The following LONRF3 variants were observed in gnomAD, a reference collection of about 807,000 sequenced individuals.
LONRF3 encodes the protein LON peptidase N-terminal domain and RING finger protein 3.
LONRF3 carries 19 observed loss-of-function variants against 51.7 expected under a neutral mutation model. The ratio of observed to expected loss-of-function variants is 0.37; its 90% confidence interval spans 0.26 to 0.54. The LOEUF is 0.54. Ranked by LOEUF, LONRF3 falls within the 20% of genes least tolerant of loss-of-function variation. The probability of loss-of-function intolerance (pLI) is 0.86; values close to 1 mark genes in which losing one functional copy is unlikely to be tolerated. For missense variants in LONRF3, 521 were observed against 623.9 expected, an observed-to-expected ratio of 0.84 and a Z score of 1.76; for synonymous variants, 265 against 257.8, an observed-to-expected ratio of 1.03 and a Z score of -0.27.
intron 3 of LONRF3, among the ~76,000 whole-genome samples, chrX:118,989,127 A>G (rs10465423): frequency 0.38 from 41,429 of 109,997 alleles, 5,740 homozygotes; most frequent in South Asian, 0.49. Context: ...TCCCCTTTTT[A>G]CACCTGCCCA....
At chrX:118,984,943 A>T (rs1922844161) in intron 3 of LONRF3, among the ~76,000 whole-genome samples, 2 of 111,416 alleles carry the variant, frequency 1.8e-5, no homozygotes, top group African/African-American at 6.5e-5. Flanking sequence ...GTTTCTTTTT[A>T]ATGTTTGTTT....
intron 5 of LONRF3, among the ~76,000 whole-genome samples, chrX:118,995,240 C>T (rs1923787338): frequency 8.9e-6 from 1 of 112,139 alleles, no homozygotes; most frequent in Non-Finnish European, 1.9e-5. Flanking sequence ...CCTGAATGAG[C>T]GTTGTGTCAA....
chrX:119,005,505 C>T (rs1924645681), intron 5 of LONRF3, among the ~76,000 whole-genome samples: 1 of 111,765 alleles, frequency 8.9e-6, no homozygotes, highest in Non-Finnish European at 1.9e-5. Flanking sequence ...CATATCTAGT[C>T]TATATCAGTA....
At chrX:118,998,459 G>A (rs933186182) in intron 5 of LONRF3, among the ~76,000 whole-genome samples, 2 of 109,641 alleles carry the variant, frequency 1.8e-5, no homozygotes, top group Admixed American at 9.8e-5. Context: ...GACTTGGGGG[G>A]AAAAGTGGGA....
chrX:119,007,837 T>C (rs1250707237), intron 6 of LONRF3, among the ~76,000 whole-genome samples: 4 of 112,391 alleles, frequency 3.6e-5, no homozygotes, highest in Non-Finnish European at 3.8e-5. Context: ...ACTGAAATAA[T>C]ACATCTGTGT....
rs1330708910 is a variant in LONRF3 at position 118,975,473 on chromosome X, C to T, written c.693C>T (p.Gly231=). 2 of 1,198,681 alleles carry T rather than the reference C, an allele frequency of 1.7e-6. No individual in the cohort carries two copies. Among genetic ancestry groups the T allele is most frequent in the African/African-American group, 1.7e-5 (1 of 57,449 alleles). The change falls in exon 1 of 11, where the codon GGC becomes GGT. Residue 231 remains glycine, a synonymous_variant. Transcript: ENST00000371628. ...TGCGAGTCAACGTGGTGCTCAGCGG[C>T]CTCCTCGGCAAGTTGTTTCCAGGCC... ...PPLRVNVVLS[G]LLGKLFPGPA...
chrX:119,010,609 C>T (rs1362996360), intron 7 of LONRF3, among the ~76,000 whole-genome samples: 2 of 111,597 alleles, frequency 1.8e-5, no homozygotes, highest in Non-Finnish European at 3.8e-5. Context: ...GTCTTATTAA[C>T]AAATACTGAG....
rs1925291984 is a variant in LONRF3, at chrX:119,014,226, C to G, written c.1994C>G (p.Ala665Gly). 8 of 1,206,762 alleles carry G rather than the reference C, an allele frequency of 6.6e-6. No homozygotes were observed. Among genetic ancestry groups the G allele is most frequent in the Non-Finnish European group, 9.0e-6 (8 of 893,522 alleles). Reference protein sequence around the residue: ...EDQKVQGEDCAELMGLHNCVY... With the variant: ...EDQKVQGEDCGELMGLHNCVY... ...TTTCAGGTTCAGGGAGAGGATTGTGCTGAGCTCATGGGATTACATAACTGT... is the reference window on the plus strand; with the variant it reads ...TTTCAGGTTCAGGGAGAGGATTGTGGTGAGCTCATGGGATTACATAACTGT... Residue 665 changes from alanine (A) to glycine (G), a missense_variant, in exon 10 of 11, where the codon GCT becomes GGT. Transcript: ENST00000371628.
rs779499421 is a variant in LONRF3, at chrX:118,982,704, A to AAG, written c.937-112_937-111dup. ...TTGCCCGCATTTTAGGGCTGTAGAT[A>AAG]AGAGAGTCCTTTTAAAATGTTTCAC... On this transcript the variant is annotated intron_variant, in intron 2 of 10. Transcript: ENST00000371628. 112 of 967,360 alleles carry AAG rather than the reference A, an allele frequency of 1.2e-4. No homozygotes were observed. The African/African-American group carries it at 1.8e-3, about 15-fold the overall frequency. The allele number at this position is 967,360 out of a possible 1,213,427, so 79.7% of individuals were successfully genotyped here.
intron 5 of LONRF3, among the ~76,000 whole-genome samples, chrX:119,002,807 T>C (rs917888173): frequency 9.0e-6 from 1 of 111,235 alleles, no homozygotes; most frequent in Non-Finnish European, 1.9e-5. Flanking sequence ...TTTTATTTTT[T>C]TTTTATTTTG....
intron 3 of LONRF3, among the ~76,000 whole-genome samples, chrX:118,983,536 A>C (rs1022898624): frequency 8.9e-6 from 1 of 112,823 alleles, no homozygotes; most frequent in Admixed American, 9.4e-5. Context: ...CTTGGGTCCC[A>C]GCAGAATGTG....
chrX:118,976,033 C>T (rs1226772053), intron 1 of LONRF3, among the ~76,000 whole-genome samples: 2 of 112,705 alleles, frequency 1.8e-5, no homozygotes, highest in Non-Finnish European at 3.8e-5. Context: ...CTGCTCGCAC[C>T]TTCCCAGCGA....
chrX:118,980,652 T>C (rs1922484227), intron 2 of LONRF3, among the ~76,000 whole-genome samples: 1 of 111,295 alleles, frequency 9.0e-6, no homozygotes, highest in Non-Finnish European at 1.9e-5. Context: ...TAGTGTTTAA[T>C]ACAAGTCACC....
intron 5 of LONRF3, among the ~76,000 whole-genome samples, chrX:119,000,032 C>G (rs1225072965): frequency 1.8e-5 from 2 of 112,320 alleles, no homozygotes; most frequent in African/African-American, 6.5e-5. Context: ...GAGGCTATTT[C>G]AAACACATGC....
intron 5 of LONRF3, 49 bp from the exon 6 acceptor site, chrX:119,006,072 A>AT: frequency 1.3e-6 from 1 of 781,092 alleles, no homozygotes; most frequent in Non-Finnish European, 1.9e-6. Flanking sequence ...TCACTCTTTT[A>AT]TTTTTGGTCT....
At chrX:119,014,557 G>A (rs1422928805) in intron 10 of LONRF3, among the ~76,000 whole-genome samples, 2 of 111,616 alleles carry the variant, frequency 1.8e-5, no homozygotes, top group Non-Finnish European at 3.8e-5. Context: ...GGTAACTAAA[G>A]TAAAGCAGTA....
chrX:118,991,911 T>A (rs1283324007), intron 5 of LONRF3, among the ~76,000 whole-genome samples: 1 of 111,924 alleles, frequency 8.9e-6, no homozygotes, highest in Non-Finnish European at 1.9e-5. Context: ...ACTTTGGGTC[T>A]ATGGACCTCT....
chrX:118,978,608 G>A (rs1193424080), intron 2 of LONRF3, 145 bp downstream of exon 2: 5 of 416,776 alleles, frequency 1.2e-5, no homozygotes, highest in Non-Finnish European at 2.1e-5. Flanking sequence ...AAAGATCCCT[G>A]GGCAAAGAGT....
intron 8 of LONRF3, 52 bp from the exon 9 acceptor site, chrX:119,012,987 G>A: frequency 8.3e-7 from 1 of 1,202,350 alleles, no homozygotes; most frequent in South Asian, 1.8e-5. Flanking sequence ...CCAGCCCAGG[G>A]AAACAGAACT....
Sources: gnomAD v4.1 joint callset for allele counts (sites outside exome capture counted in the v4.1 genomes callset) on GRCh38, gnomAD v4.1.1 for gene constraint, MANE v1.5 for transcripts, NCBI Gene and HGNC (gene_info 2026-07-23, HGNC 2026-07-21) for gene names.